The following PDE6A variants were observed in gnomAD, a reference collection of about 807,000 sequenced individuals.
PDE6A encodes rod cGMP-specific 3',5'-cyclic phosphodiesterase subunit alpha.
In PDE6A, 84 loss-of-function variants were observed where a neutral mutation model predicts 106.3. The ratio of observed to expected loss-of-function variants is 0.79; its 90% CI spans 0.66 to 0.95. The LOEUF (loss-of-function observed/expected upper bound fraction) is 0.95. Ranked by LOEUF, PDE6A falls within the 40% of genes least tolerant of loss-of-function variation. The pLI is 0.00. For missense variants in PDE6A, 1,052 were observed against 1,084.9 expected (o/e 0.97, Z 0.43); for synonymous variants, 394 against 386.6 (o/e 1.02, Z -0.23).
chr5:149,861,104 G>A (rs963470099), intron 21 of PDE6A, 133 bp from the exon 22 acceptor site: 24 of 730,418 alleles, frequency 3.3e-5, no homozygotes, highest in African/African-American at 6.9e-5. Context: ...ACATGCAGAA[G>A]GCAAACCAGG....
chr5:149,901,150 A>G (rs1752963031), intron 8 of PDE6A, among the ~76,000 whole-genome samples: 1 of 152,260 alleles, frequency 6.6e-6, no homozygotes, highest in East Asian at 2.0e-4. Context: ...CCCTGACCTC[A>G]GGTAATCTGC....
At chr5:149,895,132 T>G in intron 13 of PDE6A, 51 bp downstream of exon 13, 1 of 1,010,476 alleles carries the variant, frequency 9.9e-7, no homozygotes, top group Non-Finnish European at 1.6e-6. Flanking sequence ...TGCATGAGAT[T>G]GTCTAGTGTG....
At position 149,932,229 on chromosome 5, in the gene PDE6A, G is replaced by T. The variant is rs558305726; in HGVS notation, c.718-1061C>A. ...ATCTGTATTTGAAATGCCATAAAGAGAATCATTTCTGACCAGCTGTCCATT... is the reference window on the plus strand; with the variant it reads ...ATCTGTATTTGAAATGCCATAAAGATAATCATTTCTGACCAGCTGTCCATT... On this transcript the variant is annotated intron_variant, in intron 3 of 21. Coordinates refer to ENST00000255266, the MANE Select transcript of PDE6A (RefSeq NM_000440.3). 3.6e-6 allele frequency: 5 copies of T among 1,378,640 alleles called. No homozygotes were observed. In the African/African-American group the frequency reaches 5.8e-5, roughly 16 times the overall value. 85.4% of individuals were successfully genotyped at this position (1,378,640 alleles called of 1,614,324 possible).
chr5:149,907,567 T>A (rs572754216), intron 6 of PDE6A, among the ~76,000 whole-genome samples, 189 bp from the exon 7 acceptor site: 3 of 152,222 alleles, frequency 2.0e-5, no homozygotes, highest in African/African-American at 7.2e-5. Flanking sequence ...GGAGAAAGGG[T>A]GGCAAATATA....
chr5:149,860,200 C>G lies in PDE6A; in HGVS notation c.*695G>C, dbSNP rs1385483613. 1 of 151,996 alleles carries G rather than the reference C, an allele frequency of 6.6e-6. No homozygotes were observed. Among genetic ancestry groups the G allele is most frequent in the Non-Finnish European group, 1.5e-5 (1 of 68,024 alleles). The allele number at this position is 151,996 out of a possible 1,614,324, so 9.4% of individuals were successfully genotyped here. A position where few individuals can be genotyped will look rare whatever the true frequency, so the allele number is the denominator to read the frequency against. On this transcript the variant is annotated 3_prime_UTR_variant, in exon 22 of 22. Coordinates refer to ENST00000255266, the MANE Select transcript of PDE6A (RefSeq NM_000440.3). ...AGCCACCACGCCTGGCCAGGATTTGCCTTTAAACACTTCAGGTAAGAAAAA... is the reference window on the plus strand; with the variant it reads ...AGCCACCACGCCTGGCCAGGATTTGGCTTTAAACACTTCAGGTAAGAAAAA...
chr5:149,900,580 G>A (rs370509062), intron 8 of PDE6A, among the ~76,000 whole-genome samples: 65 of 151,724 alleles, frequency 4.3e-4, no homozygotes, highest in African/African-American at 1.5e-3. Flanking sequence ...AGGAGAAAAG[G>A]AAGTCAAGGA....
Position 149,896,363 on chromosome 5 carries a change from G to A in PDE6A, c.1613C>T (p.Pro538Leu). The change falls in exon 12 of 22, where the codon CCA becomes CTA. Residue 538 changes from proline to leucine, a missense_variant. By Grantham distance (98) the Pro-to-Leu change is moderately conservative (BLOSUM62 -3). Coordinates refer to ENST00000255266, the MANE Select transcript of PDE6A (RefSeq NM_000440.3). ...ELKVVDKFHI[P>L]QEALVRFMYS... The stretch of plus-strand genomic sequence containing the variant: ...TATTTGTTTTGACCTCACCTCTTGT[G>A]GAATGTGAAATTTATCCACCACTTT... 1 of 1,612,826 alleles carries A rather than the reference G, an allele frequency of 6.2e-7. No homozygotes were observed. The highest frequency in any genetic ancestry group is 8.5e-7 in the Non-Finnish European group (1 of 1,178,930).
At chr5:149,924,536 T>C (rs1753820719) in intron 4 of PDE6A, among the ~76,000 whole-genome samples, 1 of 152,038 alleles carries the variant, frequency 6.6e-6, no homozygotes, top group Admixed American at 6.6e-5. Flanking sequence ...AATTACGGTA[T>C]ATTTATACTA....
At chr5:149,868,002 G>T in intron 18 of PDE6A, 93 bp downstream of exon 18, 1 of 1,297,120 alleles carries the variant, frequency 7.7e-7, no homozygotes, top group Non-Finnish European at 1.1e-6. Context: ...CAGGTGAGCT[G>T]GTTCTGGAGC....
intron 17 of PDE6A, among the ~76,000 whole-genome samples, chr5:149,871,390 G>C (rs557706883): frequency 3.3e-5 from 5 of 152,254 alleles, no homozygotes; most frequent in African/African-American, 1.2e-4. Context: ...TTCCATTCTT[G>C]GAGAAGACAT....
rs762582595 is a variant in PDE6A, at chr5:149,896,434, T to C, written c.1542A>G (p.Thr514=). The C allele has an allele frequency of 6.2e-7, 1 of 1,614,126 alleles. No homozygotes were observed. ...NKFHFSDLPL[T]ELELVKCGIQ... Reference sequence around the variant, plus strand: ...TTCCACATTTTACCAGCTCCAGTTCTGTTAGGGGTAAGTCACTGAAGTGAA... The same window carrying C: ...TTCCACATTTTACCAGCTCCAGTTCCGTTAGGGGTAAGTCACTGAAGTGAA... Residue 514 remains threonine (T), a synonymous_variant, in exon 12 of 22, where the codon ACA becomes ACG. Transcript: ENST00000255266.
intron 13 of PDE6A, among the ~76,000 whole-genome samples, chr5:149,892,575 T>C (rs1171972730): frequency 6.6e-6 from 1 of 150,506 alleles, no homozygotes; most frequent in East Asian, 2.0e-4. Context: ...CACTGCAGCC[T>C]CAGCCTCCTG....
At chr5:149,899,594 C>A (rs1752892893) in intron 8 of PDE6A, 70 bp from the exon 9 acceptor site, 1 of 1,473,068 alleles carries the variant, frequency 6.8e-7, no homozygotes, top group Non-Finnish European at 9.5e-7. Flanking sequence ...TAGATTTCAC[C>A]CTACATCATG....
chr5:149,890,580 A>G (rs973926580), intron 13 of PDE6A, among the ~76,000 whole-genome samples: 1 of 152,234 alleles, frequency 6.6e-6, no homozygotes, highest in Non-Finnish European at 1.5e-5. Flanking sequence ...CAACGGAAAT[A>G]ACCAAATTTC....
At position 149,932,240 on chromosome 5, in the gene PDE6A, G is replaced by C. The variant is rs1581210235; in HGVS notation, c.718-1072C>G. 4.3e-6 allele frequency: 6 copies of C among 1,401,102 alleles called. No individual in the cohort carries two copies. In the East Asian group the frequency reaches 1.4e-4, roughly 32 times the overall value. The allele number at this position is 1,401,102 out of a possible 1,614,324, so 86.8% of individuals were successfully genotyped here. On this transcript the variant is annotated intron_variant, in intron 3 of 21. Transcript: ENST00000255266. ...AAATGCCATAAAGAGAATCATTTCT[G>C]ACCAGCTGTCCATTTTGGCGAACAG...
chr5:149,898,564 T>C (rs1752845722), intron 9 of PDE6A, 58 bp from the exon 10 acceptor site: 1 of 1,555,862 alleles, frequency 6.4e-7, no homozygotes, highest in Non-Finnish European at 8.8e-7. Flanking sequence ...ATCTTGACTC[T>C]AAAACTCATA....
intron 10 of PDE6A, among the ~76,000 whole-genome samples, chr5:149,896,984 C>A (rs188178874): frequency 6.6e-6 from 1 of 152,224 alleles, no homozygotes; most frequent in Admixed American, 6.5e-5. Flanking sequence ...ACTTACTAGC[C>A]GTGTTATTAA....
chr5:149,872,952 G>A (rs930223571), intron 17 of PDE6A, among the ~76,000 whole-genome samples: 9 of 152,184 alleles, frequency 5.9e-5, no homozygotes, highest in Non-Finnish European at 1.3e-4. Flanking sequence ...CTGCCACTGC[G>A]ATGTGAGAGC....
intron 20 of PDE6A, among the ~76,000 whole-genome samples, chr5:149,865,405 T>G: frequency 8.6e-6 from 1 of 115,764 alleles, no homozygotes; most frequent in Non-Finnish European, 1.7e-5. Flanking sequence ...ATGAGACCTG[T>G]CTCAAAGAAA....
Sources: gnomAD v4.1 joint callset for allele counts (sites outside exome capture counted in the v4.1 genomes callset) on GRCh38, gnomAD v4.1.1 for gene constraint, MANE v1.5 for transcripts, NCBI Gene and HGNC (gene_info 2026-07-23, HGNC 2026-07-21) for gene names.